Variants in PCNX4 observed in about 807,000 individuals in gnomAD.
The protein encoded by PCNX4 is pecanex-like protein 4.
In PCNX4, 103 loss-of-function variants were observed where a neutral mutation model predicts 107.2. The observed-to-expected ratio is 0.96, with a 90% confidence interval of 0.82 to 1.13. The LOEUF (loss-of-function observed/expected upper bound fraction) is 1.13, where lower values mean the gene tolerates loss of function less well. Ranked by LOEUF, PCNX4 falls within the 50% of genes most tolerant of loss-of-function variation. The pLI is 0.00. For missense variants in PCNX4, 1,528 were observed against 1,379.4 expected (o/e 1.11, Z -1.71); for synonymous variants, 541 against 481.7 (o/e 1.12, Z -1.61).
chr14:60,115,166 G>A lies in PCNX4; in HGVS notation c.1062G>A (p.Lys354=). The change falls in exon 4 of 11, where the codon AAG becomes AAA. Residue 354 remains lysine (K), a synonymous_variant. Coordinates refer to ENST00000406854, the MANE Select transcript of PCNX4 (RefSeq NM_001330177.2). ...PSGPEKHFSW[K]ECLFYIIILV... is the part of the protein sequence containing the mutation. ...GTCCGGAAAAACATTTTTCATGGAA[G>A]GAATGCCTTTTCTACATCATTATAT... 1 of 1,613,490 alleles carries A rather than the reference G, an allele frequency of 6.2e-7. No individual in the cohort carries two copies. The highest frequency in any genetic ancestry group is 8.5e-7 in the Non-Finnish European group (1 of 1,179,512).
intron 1 of PCNX4, among the ~76,000 whole-genome samples, chr14:60,104,547 A>G (rs758988115): frequency 5.9e-5 from 9 of 152,224 alleles, no homozygotes; most frequent in Non-Finnish European, 1.3e-4. Context: ...TGATAAAGAC[A>G]TACCCAAGAC....
At chr14:60,130,912 A>G (rs1449884800) in intron 10 of PCNX4, among the ~76,000 whole-genome samples, 1 of 152,052 alleles carries the variant, frequency 6.6e-6, no homozygotes, top group African/African-American at 2.4e-5. Flanking sequence ...GACCAGCCTG[A>G]TGGTAGTAGG....
Position 60,115,309 on chromosome 14 carries a change from T to C in PCNX4, c.1205T>C (p.Leu402Pro), listed in dbSNP as rs1016557973. 1.1e-5 allele frequency: 17 copies of C among 1,607,836 alleles called. No homozygotes were observed. The highest frequency in any genetic ancestry group is 1.4e-5 in the Non-Finnish European group (17 of 1,175,726). Residue 402 changes from leucine to proline, a missense_variant, in exon 4 of 11, where the codon CTG (leucine) becomes CCG (proline). Physicochemically the swap from Leu to Pro is moderately conservative, Grantham distance 98. Coordinates refer to ENST00000406854, the MANE Select transcript of PCNX4 (RefSeq NM_001330177.2). The part of the protein sequence containing the change: ...GYGLMILLII[L>P]WILREIQSVY... The stretch of plus-strand genomic sequence containing the variant: ...GGTTTGATGATATTACTTATAATAC[T>C]GTGGATACTTAGAGAAATTCAAAGC...
intron 2 of PCNX4, among the ~76,000 whole-genome samples, chr14:60,111,805 T>C (rs987272390): frequency 2.0e-5 from 3 of 152,206 alleles, no homozygotes; most frequent in African/African-American, 7.2e-5. Context: ...TTTTTGTTTT[T>C]GTTTATCTGT....
chr14:60,132,277 C>G (rs140644943), intron 10 of PCNX4, among the ~76,000 whole-genome samples: 1 of 152,160 alleles, frequency 6.6e-6, no homozygotes, highest in African/African-American at 2.4e-5. Flanking sequence ...CCACTACTTT[C>G]TTTTATAAGG....
Position 60,121,363 on chromosome 14 carries a change from T to C in PCNX4, c.2046+64T>C. The C allele has an allele frequency of 4.0e-6, 6 of 1,509,874 alleles. 1 individual carries two copies. The highest frequency in any genetic ancestry group is 4.5e-6 in the Non-Finnish European group (5 of 1,106,974). The allele number at this position is 1,509,874 out of a possible 1,614,324, so 93.5% of individuals were successfully genotyped here. A position where few individuals can be genotyped will look rare whatever the true frequency, so the allele number is the denominator to read the frequency against. The stretch of plus-strand genomic sequence containing the variant: ...TTCATGTGTAAAATTTTACCTGTTA[T>C]GTTCACATCAAACACTCAATTTGAA... On this transcript the variant is annotated intron_variant, in intron 8 of 10. Transcript: ENST00000406854.
intron 10 of PCNX4, among the ~76,000 whole-genome samples, chr14:60,129,731 C>T (rs1347718227): frequency 6.6e-6 from 1 of 151,982 alleles, no homozygotes; most frequent in Non-Finnish European, 1.5e-5. Flanking sequence ...GGAACTAGAA[C>T]GTTGTAAGAG....
chr14:60,144,296 G>A lies in PCNX4; in HGVS notation c.*10075G>A, dbSNP rs546972166. The A allele has an allele frequency of 3.3e-5, 5 of 152,364 alleles. No individual in the cohort carries two copies. Among genetic ancestry groups the A allele is most frequent in the South Asian group, 2.1e-4 (1 of 4,826 alleles). The allele number at this position is 152,364 out of a possible 1,614,324, so 9.4% of individuals were successfully genotyped here. A position where few individuals can be genotyped will look rare whatever the true frequency, so the allele number is the denominator to read the frequency against. On this transcript the variant is annotated 3_prime_UTR_variant, in exon 11 of 11. Transcript: ENST00000406854. ...GTCATTACCCAGCACTCTGCTTTGT[G>A]TGAAATATTCTATACATTTATGTTG...
At chr14:60,112,070 C>T (rs1281606852) in intron 2 of PCNX4, among the ~76,000 whole-genome samples, 2 of 152,156 alleles carry the variant, frequency 1.3e-5, no homozygotes, top group African/African-American at 2.4e-5. Flanking sequence ...AGGCGAACCC[C>T]GCAGTGTAGT....
Position 60,108,071 on chromosome 14 carries a change from A to G in PCNX4, c.433A>G (p.Ile145Val), listed in dbSNP as rs755384615. ...KYVANTVFHS[I>V]LAGLACGLGT... The stretch of plus-strand genomic sequence containing the variant: ...TGTAGCCAATACAGTTTTTCATTCT[A>G]TTCTTGCTGGATTAGCGTGTGGTCT... Residue 145 changes from isoleucine (I) to valine (V), a missense_variant, in exon 2 of 11, where the codon ATT becomes GTT. Ile to Val is a conservative substitution (Grantham distance 29). Coordinates refer to ENST00000406854, the MANE Select transcript of PCNX4 (RefSeq NM_001330177.2). 120 of 1,612,696 alleles carry G rather than the reference A, an allele frequency of 7.4e-5. No individual in the cohort carries two copies. Among genetic ancestry groups the G allele is most frequent in the Admixed American group, 1.0e-4 (6 of 60,002 alleles).
intron 2 of PCNX4, among the ~76,000 whole-genome samples, chr14:60,112,569 G>A (rs1161544291): frequency 1.3e-5 from 2 of 152,038 alleles, no homozygotes; most frequent in African/African-American, 4.8e-5. Context: ...ACTTTACTTT[G>A]CCATTGCTTA....
Position 60,116,032 on chromosome 14 carries a change from G to A in PCNX4, c.1550G>A (p.Ser517Asn). 6.2e-7 allele frequency: 1 copy of A among 1,612,234 alleles called. No homozygotes were observed. The highest frequency in any genetic ancestry group is 8.5e-7 in the Non-Finnish European group (1 of 1,179,096). ...AGTACAGACATATGGTGGAACAGAA[G>A]CCTGGATACAGGACTCAGACTCTTA... ...ISSTDIWWNR[S>N]LDTGLRLLLV... Residue 517 changes from serine (S) to asparagine (N), a missense_variant, in exon 6 of 11, where the codon AGC becomes AAC. Ser to Asn is a conservative substitution (Grantham distance 46, BLOSUM62 1). Transcript: ENST00000406854.
chr14:60,129,049 C>T (rs997236284), intron 10 of PCNX4, among the ~76,000 whole-genome samples: 1 of 151,398 alleles, frequency 6.6e-6, no homozygotes. Context: ...CTTGTCTCTA[C>T]TAAAACTACA....
intron 1 of PCNX4, among the ~76,000 whole-genome samples, chr14:60,104,769 C>T (rs532089051): frequency 1.3e-5 from 2 of 152,216 alleles, no homozygotes; most frequent in African/African-American, 4.8e-5. Context: ...GGAAACCACC[C>T]CCATGATTCA....
chr14:60,127,214 G>A (rs1896071035), intron 10 of PCNX4, among the ~76,000 whole-genome samples: 1 of 152,200 alleles, frequency 6.6e-6, no homozygotes, highest in African/African-American at 2.4e-5. Flanking sequence ...TAGGAGACTG[G>A]TAGGTTCATT....
rs554924958 is a variant in PCNX4 at position 60,114,638 on chromosome 14, T to C, written c.690-62T>C. On this transcript the variant is annotated intron_variant, in intron 2 of 10. Transcript: ENST00000406854. ...GTTGTTATTCTGTGTTGCTTTGCTT[T>C]TTCTTAAAAGATCCTCTTCTATATA... The C allele has an allele frequency of 1.8e-3, 2,604 of 1,423,330 alleles. 6 individuals are homozygous for C. The highest frequency in any genetic ancestry group is 2.3e-3 in the Non-Finnish European group (2,438 of 1,048,972). The allele number at this position is 1,423,330 out of a possible 1,614,324, so 88.2% of individuals were successfully genotyped here. A position where few individuals can be genotyped will look rare whatever the true frequency, so the allele number is the denominator to read the frequency against.
chr14:60,094,540 C>A (rs574886855), intron 1 of PCNX4, among the ~76,000 whole-genome samples: 2 of 152,214 alleles, frequency 1.3e-5, no homozygotes, highest in Non-Finnish European at 2.9e-5. Flanking sequence ...AGCAAAGGCC[C>A]AACTGAAGGA....
Position 60,134,207 on chromosome 14 carries a change from A to G in PCNX4, c.3505A>G (p.Ile1169Val), listed in dbSNP as rs536923363. 5.0e-6 allele frequency: 8 copies of G among 1,613,556 alleles called. No individual in the cohort carries two copies. Among genetic ancestry groups the G allele is most frequent in the Middle Eastern group, 1.7e-4 (1 of 6,060 alleles). The change falls in exon 11 of 11, where the codon ATA becomes GTA. Residue 1169 changes from isoleucine to valine, a missense_variant. Ile to Val is a conservative substitution (Grantham distance 29). Coordinates refer to ENST00000406854, the MANE Select transcript of PCNX4 (RefSeq NM_001330177.2). The stretch of plus-strand genomic sequence containing the variant: ...GATTTATTCTTCAAAACCTCTCCAC[A>G]TACATTTGTATTAGAGCTCATTTTG... Reference protein sequence around the residue: ...YPIYSSKPLHIHLY With the variant: ...YPIYSSKPLHVHLY
intron 1 of PCNX4, among the ~76,000 whole-genome samples, chr14:60,101,531 A>G (rs1895532209): frequency 6.6e-6 from 1 of 152,216 alleles, no homozygotes; most frequent in Admixed American, 6.5e-5. Context: ...GCCTCAGTGC[A>G]GAAGTACTCC....
Sources: gnomAD v4.1 joint callset for allele counts (sites outside exome capture counted in the v4.1 genomes callset) on GRCh38, gnomAD v4.1.1 for gene constraint, MANE v1.5 for transcripts, NCBI Gene and HGNC (gene_info 2026-07-23, HGNC 2026-07-21) for gene names.